Variants in FAT3 observed in about 807,000 individuals in gnomAD.
The protein encoded by FAT3 is protocadherin Fat 3.
FAT3 carries 95 observed loss-of-function variants against 310.2 expected under a neutral mutation model. The ratio of observed to expected loss-of-function variants is 0.31; its 90% CI spans 0.26 to 0.36. The LOEUF (loss-of-function observed/expected upper bound fraction) is 0.36. Among genes scored for constraint, FAT3 ranks in the 10% least tolerant of loss-of-function variants. The pLI is 1.00. For missense variants in FAT3, 5,408 were observed against 5,715.6 expected, an observed-to-expected ratio of 0.95 and a Z score of 1.74; for synonymous variants, 2,314 against 2,192.9, an observed-to-expected ratio of 1.06 and a Z score of -1.54.
rs138912758 is a variant in FAT3, at chr11:92,507,595, T to C, written c.3293-17039T>C. ...ATATCCTATATCTGTACACCCTATA[T>C]AACATATATGTGTGTATATACGTAT... On this transcript the variant is annotated intron_variant, in intron 2 of 27. Coordinates refer to ENST00000525166, the MANE Select transcript of FAT3 (RefSeq NM_001367949.2). Among the ~76,000 whole-genome samples, 253 of 151,906 alleles carry C rather than the reference T, an allele frequency of 1.7e-3. 1 individual carries two copies. Among genetic ancestry groups the C allele is most frequent in the African/African-American group, 5.9e-3 (243 of 41,444 alleles).
chr11:92,742,457 C>G (rs1945533987), intron 4 of FAT3, among the ~76,000 whole-genome samples: 1 of 152,154 alleles, frequency 6.6e-6, no homozygotes, highest in African/African-American at 2.4e-5. Flanking sequence ...ATTGCTTTAC[C>G]ACTGTTTACC....
In FAT3 at chr11:92,522,651, G is replaced by T. The variant is rs542399932; in HGVS notation, c.3293-1983G>T. ...AAAACTCTGGTTGGACAGAGGATTTGTCTCACAAACATTACTTTCTGATAA... is the reference window on the plus strand; with the variant it reads ...AAAACTCTGGTTGGACAGAGGATTTTTCTCACAAACATTACTTTCTGATAA... On this transcript the variant is annotated intron_variant, in intron 2 of 27. Transcript: ENST00000525166. Among the ~76,000 whole-genome samples the T allele has an allele frequency of 1.2e-4, 19 of 152,254 alleles. No homozygotes were observed. In the South Asian group the frequency reaches 3.9e-3, roughly 32 times the overall value.
At chr11:92,696,100 T>G (rs1438840747) in intron 3 of FAT3, among the ~76,000 whole-genome samples, 2 of 142,032 alleles carry the variant, frequency 1.4e-5, no homozygotes, top group Non-Finnish European at 3.1e-5. Context: ...TAAGCTCATT[T>G]TTTACTATAT....
chr11:92,555,319 T>G (rs1954980448), intron 3 of FAT3, among the ~76,000 whole-genome samples: 1 of 152,268 alleles, frequency 6.6e-6, no homozygotes, highest in African/African-American at 2.4e-5. Context: ...ATGTTTCCTT[T>G]GGTTACGGTT....
chr11:92,531,141 AC>A (rs1229070449), intron 3 of FAT3, among the ~76,000 whole-genome samples: 1 of 152,150 alleles, frequency 6.6e-6, no homozygotes, highest in African/African-American at 2.4e-5. Context: ...ACTGTAAATC[AC>A]CCTTGCTCCT....
chr11:92,349,721 T>C (rs970580514), intron 1 of FAT3, among the ~76,000 whole-genome samples: 5 of 152,204 alleles, frequency 3.3e-5, no homozygotes, highest in Non-Finnish European at 7.3e-5. Context: ...ACTTAGCATA[T>C]GCAATGTCTC....
intron 4 of FAT3, among the ~76,000 whole-genome samples, chr11:92,702,347 A>T (rs956538729): frequency 9.2e-5 from 14 of 152,202 alleles, no homozygotes; most frequent in Admixed American, 6.5e-5. Context: ...GAGACCTTGA[A>T]GGGGAGAGAA....
chr11:92,754,613 G>C (rs1205654792), intron 4 of FAT3, among the ~76,000 whole-genome samples: 1 of 60,478 alleles, frequency 1.7e-5, no homozygotes, highest in Non-Finnish European at 2.8e-5. Context: ...GGGCGACAGA[G>C]GAAGACTCTG....
intron 3 of FAT3, among the ~76,000 whole-genome samples, chr11:92,549,275 T>C (rs539817979): frequency 6.6e-6 from 1 of 152,320 alleles, no homozygotes; most frequent in Non-Finnish European, 1.5e-5. Context: ...CAATAATCCG[T>C]ATTTTGATTC....
At chr11:92,548,073 T>G (rs1489390024) in intron 3 of FAT3, among the ~76,000 whole-genome samples, 12 of 152,178 alleles carry the variant, frequency 7.9e-5, no homozygotes, top group Non-Finnish European at 1.3e-4. Context: ...TTAGAGTGTT[T>G]TATTAATCCC....
At chr11:92,402,108 G>A (rs1311911844) in intron 2 of FAT3, among the ~76,000 whole-genome samples, 3 of 152,084 alleles carry the variant, frequency 2.0e-5, no homozygotes, top group African/African-American at 7.2e-5. Context: ...CAACATGCAA[G>A]CCTATATAGG....
chr11:92,723,580 C>T (rs1316213718), intron 4 of FAT3, among the ~76,000 whole-genome samples: 1 of 152,158 alleles, frequency 6.6e-6, no homozygotes, highest in Non-Finnish European at 1.5e-5. Context: ...TACCAATTTA[C>T]TGTATTAGTC....
At chr11:92,331,754 T>C (rs1947929255) in intron 1 of FAT3, among the ~76,000 whole-genome samples, 1 of 152,236 alleles carries the variant, frequency 6.6e-6, no homozygotes, top group Non-Finnish European at 1.5e-5. Context: ...TTCTGGCCTA[T>C]GTTCTTGATA....
chr11:92,869,969 G>T (rs1949344852), intron 22 of FAT3, among the ~76,000 whole-genome samples: 1 of 152,172 alleles, frequency 6.6e-6, no homozygotes, highest in Admixed American at 6.5e-5. Flanking sequence ...AAATGAGACT[G>T]CTTGCACATG....
chr11:92,689,393 A>C (rs1335574245), intron 3 of FAT3, among the ~76,000 whole-genome samples: 1 of 152,258 alleles, frequency 6.6e-6, no homozygotes, highest in Non-Finnish European at 1.5e-5. Flanking sequence ...ACATCTAAGC[A>C]TGCACATCAG....
In FAT3 at chr11:92,801,899, C is replaced by T. The variant is rs1947369252; in HGVS notation, c.8886C>T (p.Tyr2962=). Residue 2962 remains tyrosine (Y), a synonymous_variant, in exon 10 of 28, where the codon TAC becomes TAT. Coordinates refer to ENST00000525166, the MANE Select transcript of FAT3 (RefSeq NM_001367949.2). ...DTSDVNRQVS[Y]HITGGNPRGR... is the part of the protein sequence containing the mutation. ...CCGACGTTAATCGCCAAGTGAGCTA[C>T]CATATTACAGGTGAGTAAATACCCC... is the stretch of plus-strand genomic sequence containing the variant. 6.2e-7 allele frequency: 1 copy of T among 1,613,340 alleles called. No homozygotes were observed. Among genetic ancestry groups the T allele is most frequent in the Admixed American group, 1.7e-5 (1 of 59,988 alleles).
intron 3 of FAT3, among the ~76,000 whole-genome samples, chr11:92,596,288 A>G (rs1327287430): frequency 6.6e-6 from 1 of 152,118 alleles, no homozygotes. Context: ...GAATTTCTAT[A>G]TAGGATGAGT....
intron 3 of FAT3, among the ~76,000 whole-genome samples, chr11:92,650,098 G>A (rs551664467): frequency 2.2e-5 from 3 of 135,254 alleles, no homozygotes; most frequent in African/African-American, 8.5e-5. Flanking sequence ...GTCTATAGGA[G>A]CTGATTGAAA....
At chr11:92,543,133 A>G (rs191514692) in intron 3 of FAT3, among the ~76,000 whole-genome samples, 98 of 152,234 alleles carry the variant, frequency 6.4e-4, no homozygotes, top group Non-Finnish European at 1.1e-3. Flanking sequence ...AGTTGATCCC[A>G]TAGAAATAGA....
Sources: gnomAD v4.1 joint callset for allele counts (sites outside exome capture counted in the v4.1 genomes callset) on GRCh38, gnomAD v4.1.1 for gene constraint, MANE v1.5 for transcripts, NCBI Gene and HGNC (gene_info 2026-07-23, HGNC 2026-07-21) for gene names.